WDR48: variants seen among roughly 807,000 people sequenced by gnomAD.
WDR48 encodes the protein WD repeat domain 48.
WDR48 carries 22 observed loss-of-function variants against 94.0 expected under a neutral mutation model. The ratio of observed to expected loss-of-function variants is 0.23; its 90% confidence interval spans 0.17 to 0.33. The LOEUF is 0.33. Ranked by LOEUF, WDR48 falls within the 10% of genes least tolerant of loss-of-function variation. The pLI is 1.00. For synonymous variants in WDR48, 278 were observed against 280.5 expected (o/e 0.99, Z 0.09); for missense variants, 541 against 813.8 (o/e 0.66, Z 4.08).
At chr3:39,066,460 T>G in intron 3 of WDR48, 88 bp from the exon 4 acceptor site, 1 of 1,132,714 alleles carries the variant, frequency 8.8e-7, no homozygotes, top group South Asian at 1.4e-5. Flanking sequence ...ATATGTTAGT[T>G]TGAAATAATG....
chr3:39,084,703 A>T lies in WDR48; in HGVS notation c.1340A>T (p.Asp447Val). ...TTTGCTGCCTGGGTTTCTGCAAAAG[A>T]TGCTGGTTTCAGCAGCCCTGATGGG... ...DCFAAWVSAKDAGFSSPDGSD... is the reference protein window; with the variant it reads ...DCFAAWVSAKVAGFSSPDGSD... Residue 447 changes from aspartate (D) to valine (V), a missense_variant, in exon 13 of 19, where the codon GAT becomes GTT. Around this residue, in one of 5 missense-constraint regions of WDR48, gnomAD observed 238 missense variants for 285.3 expected, o/e 0.83. Transcript: ENST00000302313. 1 of 1,613,926 alleles carries T rather than the reference A, an allele frequency of 6.2e-7. No homozygotes were observed. The highest frequency in any genetic ancestry group is 8.5e-7 in the Non-Finnish European group (1 of 1,179,908).
intron 11 of WDR48, among the ~76,000 whole-genome samples, chr3:39,081,962 G>T (rs1283895230): frequency 6.6e-6 from 1 of 152,184 alleles, no homozygotes; most frequent in African/African-American, 2.4e-5. Flanking sequence ...AAACAGTGTG[G>T]GACAGTCAGG....
chr3:39,068,885 TA>T lies in WDR48; in HGVS notation c.570+37del, dbSNP rs34070325. The stretch of plus-strand genomic sequence containing the variant: ...GTAAGGAGGAGCTTATTTCTTTATT[TA>T]AAAAAAAAAATTATTTTTCACATAC... On this transcript the variant is annotated intron_variant, in intron 6 of 18. Coordinates refer to ENST00000302313, the MANE Select transcript of WDR48 (RefSeq NM_020839.4). 7.7e-3 allele frequency: 10,079 copies of T among 1,304,372 alleles called. 6 individuals are homozygous for T. Among genetic ancestry groups the T allele is most frequent in the East Asian group, 0.015 (554 of 37,428 alleles). The allele number at this position is 1,304,372 out of a possible 1,614,324, so 80.8% of individuals were successfully genotyped here.
intron 13 of WDR48, 52 bp from the exon 14 acceptor site, chr3:39,085,463 G>A (rs955308089): frequency 1.4e-5 from 20 of 1,421,382 alleles, no homozygotes; most frequent in Non-Finnish European, 1.9e-5. Flanking sequence ...TTAGGTTAAA[G>A]CCAAGTAACT....
chr3:39,066,650 A>T lies in WDR48; in HGVS notation c.351+20A>T. Reference sequence around the variant, plus strand: ...CATAAGGTAAAACAATACAGTTCTCAGTGTCTTTAGTGTAATATTGGGATC... The same window carrying T: ...CATAAGGTAAAACAATACAGTTCTCTGTGTCTTTAGTGTAATATTGGGATC... On this transcript the variant is annotated intron_variant, in intron 4 of 18. Transcript: ENST00000302313. 6.2e-7 allele frequency: 1 copy of T among 1,612,998 alleles called. No homozygotes were observed. Among genetic ancestry groups the T allele is most frequent in the South Asian group, 1.1e-5 (1 of 91,002 alleles).
Position 39,066,730 on chromosome 3 carries a change from G to A in WDR48, c.352-16G>A. ...TGATCTACAGAATAGATCATAGTAT[G>A]TCTGTTCTATTACAGGATTACGTAA... On this transcript the variant is annotated splice_polypyrimidine_tract_variant and intron_variant, in intron 4 of 18. Transcript: ENST00000302313. 1 of 1,613,820 alleles carries A rather than the reference G, an allele frequency of 6.2e-7. No individual in the cohort carries two copies. The highest frequency in any genetic ancestry group is 8.5e-7 in the Non-Finnish European group (1 of 1,179,818).
intron 12 of WDR48, among the ~76,000 whole-genome samples, 175 bp downstream of exon 12, chr3:39,084,437 A>T (rs559525592): frequency 6.6e-6 from 1 of 152,256 alleles, no homozygotes; most frequent in Admixed American, 6.5e-5. Context: ...AAAATATATT[A>T]AAAAAGAAAA....
rs374426411 is a variant in WDR48, at chr3:39,074,887, T to C, written c.834T>C (p.Cys278=). The change falls in exon 8 of 19, where the codon TGT becomes TGC. Residue 278 remains cysteine (C), a synonymous_variant. Coordinates refer to ENST00000302313, the MANE Select transcript of WDR48 (RefSeq NM_020839.4). ...GTGGAAGGGACAGGAAGATTTATTG[T>C]ACAGACCTAAGAAACCCTGACATTC... ...YSGGRDRKIY[C]TDLRNPDIRV... is the part of the protein sequence containing the mutation. 32 of 1,614,106 alleles carry C rather than the reference T, an allele frequency of 2.0e-5. No homozygotes were observed. In the African/African-American group the frequency reaches 3.2e-4, roughly 16 times the overall value.
At chr3:39,063,235 TG>T (rs2033385213) in intron 2 of WDR48, 45 bp downstream of exon 2, 2 of 1,602,220 alleles carry the variant, frequency 1.2e-6, no homozygotes, top group Non-Finnish European at 1.7e-6. Flanking sequence ...TCTGGACAAA[TG>T]GCTTTTACTG....
At chr3:39,074,135 A>T (rs11708354) in intron 7 of WDR48, among the ~76,000 whole-genome samples, 67,797 of 152,150 alleles carry the variant, frequency 0.45, 18,259 homozygotes, top group African/African-American at 0.77. Context: ...TAGTGCATAC[A>T]GCTACCTTCA....
Position 39,065,853 on chromosome 3 carries a change from G to T in WDR48, c.232G>T (p.Val78Leu), listed in dbSNP as rs764405271. ...IASMEHHTDW[V>L]NDIVLCCNGK... ...ATCTATGGAACACCATACTGATTGG[G>T]TAAACGACATTGTACTCTGTTGTAA... The change falls in exon 3 of 19, where the codon GTA (valine) becomes TTA (leucine). Residue 78 changes from valine (V) to leucine (L), a missense_variant. Val to Leu is a conservative substitution (Grantham distance 32). Transcript: ENST00000302313. 1.2e-6 allele frequency: 2 copies of T among 1,607,890 alleles called. No individual in the cohort carries two copies.
chr3:39,052,180 C>T (rs2125624064), intron 1 of WDR48, 107 bp downstream of exon 1: 1 of 1,413,518 alleles, frequency 7.1e-7, no homozygotes, highest in East Asian at 2.5e-5. Context: ...CGGCATGGGG[C>T]GAACGGGGCG....
intron 7 of WDR48, among the ~76,000 whole-genome samples, chr3:39,070,089 T>C (rs770206201): frequency 2.2e-4 from 34 of 152,228 alleles, no homozygotes; most frequent in Non-Finnish European, 4.9e-4. Context: ...GAAAATTTGC[T>C]CACAGTGGGT....
intron 7 of WDR48, among the ~76,000 whole-genome samples, chr3:39,074,513 A>G (rs1246390528): frequency 2.0e-5 from 3 of 152,256 alleles, no homozygotes; most frequent in Non-Finnish European, 4.4e-5. Context: ...TACCCTAATT[A>G]CATATTTGGG....
intron 7 of WDR48, among the ~76,000 whole-genome samples, chr3:39,070,567 C>T (rs991954323): frequency 3.3e-5 from 5 of 151,988 alleles, no homozygotes; most frequent in Admixed American, 6.6e-5. Context: ...TCAGAGAAGC[C>T]GTCGCCTCCA....
intron 17 of WDR48, 128 bp from the exon 18 acceptor site, chr3:39,093,746 G>A: frequency 9.2e-7 from 1 of 1,083,334 alleles, no homozygotes; most frequent in Non-Finnish European, 1.2e-6. Context: ...ATGGATTAAG[G>A]TAATGACTAA....
At chr3:39,068,656 G>A (rs539657792) in intron 5 of WDR48, 115 bp from the exon 6 acceptor site, 34 of 635,550 alleles carry the variant, frequency 5.3e-5, no homozygotes, top group African/African-American at 3.6e-4. Flanking sequence ...TTTCTTTTCC[G>A]TAGAGGACTT....
rs550380540 is a variant in WDR48 at position 39,058,406 on chromosome 3, G to A, written c.49-4644G>A. ...ACCGTTGAAGAGGTTGGCCCAGACTGGTTTTAACAGTAATTACTTTCCACC... is the reference window on the plus strand; with the variant it reads ...ACCGTTGAAGAGGTTGGCCCAGACTAGTTTTAACAGTAATTACTTTCCACC... On this transcript the variant is annotated intron_variant, in intron 1 of 18. Coordinates refer to ENST00000302313, the MANE Select transcript of WDR48 (RefSeq NM_020839.4). Among the ~76,000 whole-genome samples, 21 of 152,340 alleles carry A rather than the reference G, an allele frequency of 1.4e-4. No homozygotes were observed. In the East Asian group the frequency reaches 3.9e-3, roughly 28 times the overall value.
chr3:39,062,108 T>A (rs1247256029), intron 1 of WDR48, among the ~76,000 whole-genome samples: 1 of 152,238 alleles, frequency 6.6e-6, no homozygotes, highest in Non-Finnish European at 1.5e-5. Flanking sequence ...TTAGTTTAAT[T>A]AGATCTCATT....
Sources: gnomAD v4.1 joint callset for allele counts (sites outside exome capture counted in the v4.1 genomes callset) on GRCh38, gnomAD v4.1.1 for gene constraint, gnomAD v4.1.1 regional missense constraint, MANE v1.5 for transcripts, NCBI Gene and HGNC (gene_info 2026-07-23, HGNC 2026-07-21) for gene names.